SLC8A3: variants seen among roughly 807,000 people sequenced by gnomAD.
SLC8A3 encodes the protein solute carrier family 8 member A3, also known as sodium/calcium exchanger 3.
Under a neutral mutation model 65.4 loss-of-function variants are expected in SLC8A3, and 37 were observed. The ratio of observed to expected loss-of-function variants is 0.57; its 90% CI spans 0.44 to 0.74. The LOEUF is 0.74. Among genes scored for constraint, SLC8A3 ranks in the 30% least tolerant of loss-of-function variants. The pLI, the probability that SLC8A3 is intolerant of heterozygous loss-of-function variation, is 0.00. For synonymous variants in SLC8A3, 461 were observed against 444.5 expected (o/e 1.04, Z -0.47); for missense variants, 1,112 against 1,172.1 (o/e 0.95, Z 0.75).
intron 1 of SLC8A3, among the ~76,000 whole-genome samples, chr14:70,185,841 T>C (rs934767571): frequency 1.3e-5 from 2 of 152,236 alleles, no homozygotes; most frequent in Non-Finnish European, 2.9e-5. Flanking sequence ...GTTCAGATTA[T>C]GAGTGTTTAT....
chr14:70,142,007 CTTAGGGCTCCACAGAGCCCAGCT>C (rs1376006679), intron 2 of SLC8A3, among the ~76,000 whole-genome samples: 1 of 152,214 alleles, frequency 6.6e-6, no homozygotes, highest in Non-Finnish European at 1.5e-5. Context: ...AGAGCCCTGC[CTTAGGGCTCCACAGAGCCCAGCT>C]GGCCAATGGG....
At chr14:70,153,906 G>A (rs1201156319) in intron 2 of SLC8A3, among the ~76,000 whole-genome samples, 2 of 152,166 alleles carry the variant, frequency 1.3e-5, no homozygotes, top group African/African-American at 2.4e-5. Flanking sequence ...AGCCAGCCTC[G>A]CCCTGTTACC....
intron 2 of SLC8A3, among the ~76,000 whole-genome samples, chr14:70,075,376 A>G (rs960503843): frequency 2.0e-5 from 3 of 152,152 alleles, no homozygotes; most frequent in African/African-American, 2.4e-5. Context: ...AAGGTTTGCC[A>G]TAGGCCGCGT....
At chr14:70,169,150 A>C (rs771057566) in intron 1 of SLC8A3, among the ~76,000 whole-genome samples, 7 of 152,194 alleles carry the variant, frequency 4.6e-5, no homozygotes, top group Admixed American at 2.0e-4. Flanking sequence ...AAACAGAGCA[A>C]TAAACCTTGA....
chr14:70,085,080 G>A (rs1195592070), intron 2 of SLC8A3, among the ~76,000 whole-genome samples: 5 of 152,138 alleles, frequency 3.3e-5, no homozygotes, highest in Admixed American at 1.3e-4. Context: ...TTAAAAAGAC[G>A]AGTAAGACAT....
At chr14:70,049,590 C>A (rs1887232067) in intron 5 of SLC8A3, among the ~76,000 whole-genome samples, 1 of 151,704 alleles carries the variant, frequency 6.6e-6, no homozygotes, top group African/African-American at 2.4e-5. Flanking sequence ...TGTAACAAAA[C>A]TCTATGTTCT....
intron 2 of SLC8A3, among the ~76,000 whole-genome samples, chr14:70,151,192 G>A (rs1472966207): frequency 6.6e-6 from 1 of 151,680 alleles, no homozygotes; most frequent in East Asian, 1.9e-4. Flanking sequence ...AGGCAGAGGT[G>A]GCAGTGAGCC....
chr14:70,057,633 C>A (rs765640367), intron 3 of SLC8A3, among the ~76,000 whole-genome samples: 1 of 152,184 alleles, frequency 6.6e-6, no homozygotes, highest in African/African-American at 2.4e-5. Flanking sequence ...TCAGCAAGAC[C>A]TGGGTAGGCC....
At chr14:70,068,020 C>G (rs1312260894) in intron 2 of SLC8A3, among the ~76,000 whole-genome samples, 1 of 152,222 alleles carries the variant, frequency 6.6e-6, no homozygotes, top group Non-Finnish European at 1.5e-5. Flanking sequence ...GTTCCCAGAA[C>G]AGACCTGGCT....
At chr14:70,092,476 G>C (rs943860477) in intron 2 of SLC8A3, among the ~76,000 whole-genome samples, 4 of 152,122 alleles carry the variant, frequency 2.6e-5, no homozygotes, top group Non-Finnish European at 5.9e-5. Flanking sequence ...CCTCTAGACA[G>C]AAAGCTCCTT....
At chr14:70,114,652 T>C (rs574650004) in intron 2 of SLC8A3, among the ~76,000 whole-genome samples, 2 of 152,286 alleles carry the variant, frequency 1.3e-5, no homozygotes, top group Non-Finnish European at 2.9e-5. Flanking sequence ...AGCTTTGACT[T>C]TAAATTGGCC....
At chr14:70,074,563 G>A (rs924111707) in intron 2 of SLC8A3, among the ~76,000 whole-genome samples, 1 of 152,206 alleles carries the variant, frequency 6.6e-6, no homozygotes, top group East Asian at 1.9e-4. Flanking sequence ...TATCACAAAG[G>A]TGGGGAAGGG....
chr14:70,057,381 A>G (rs1448772978), intron 3 of SLC8A3, among the ~76,000 whole-genome samples: 1 of 152,188 alleles, frequency 6.6e-6, no homozygotes, highest in African/African-American at 2.4e-5. Context: ...TTTGCGTGGA[A>G]GAGCTTCCCC....
At chr14:70,137,149 CTTT>C (rs11314654) in intron 2 of SLC8A3, among the ~76,000 whole-genome samples, 1 of 144,776 alleles carries the variant, frequency 6.9e-6, no homozygotes, top group Non-Finnish European at 1.5e-5. Context: ...GTTTATATAT[CTTT>C]TTTTTTTTTT....
intron 2 of SLC8A3, among the ~76,000 whole-genome samples, chr14:70,066,552 T>G (rs571531299): frequency 1.3e-4 from 20 of 152,282 alleles, no homozygotes; most frequent in African/African-American, 4.6e-4. Context: ...GCCTCACACC[T>G]GTAATCCCAG....
intron 2 of SLC8A3, among the ~76,000 whole-genome samples, chr14:70,155,440 A>G (rs1237004005): frequency 6.6e-6 from 1 of 152,070 alleles, no homozygotes; most frequent in East Asian, 1.9e-4. Context: ...TGAGCTCAAT[A>G]TTTTTAGCTC....
intron 1 of SLC8A3, among the ~76,000 whole-genome samples, chr14:70,187,921 C>G (rs1020861283): frequency 2.0e-5 from 3 of 152,282 alleles, no homozygotes; most frequent in Non-Finnish European, 4.4e-5. Flanking sequence ...GCCCCCAAAC[C>G]CGGCGGACAC....
chr14:70,055,938 G>A (rs1888063782), intron 3 of SLC8A3: 1 of 793,046 alleles, frequency 1.3e-6, no homozygotes, highest in African/African-American at 1.7e-5. Flanking sequence ...AGCTTAGTAG[G>A]TGAGAGCTCA....
intron 2 of SLC8A3, among the ~76,000 whole-genome samples, chr14:70,117,916 C>A (rs1179485176): frequency 6.6e-6 from 1 of 152,224 alleles, no homozygotes; most frequent in African/African-American, 2.4e-5. Context: ...CCCTCCCATT[C>A]TTTGCCACTG....
Sources: allele counts gnomAD v4.1 joint callset (sites outside exome capture counted in the v4.1 genomes callset), GRCh38; gene constraint gnomAD v4.1.1; transcripts MANE v1.5; gene names NCBI Gene and HGNC (gene_info 2026-07-23, HGNC 2026-07-21).